Variants in TLK2 observed in about 807,000 individuals in gnomAD.
TLK2 encodes tousled like kinase 2, also known as serine/threonine-protein kinase tousled-like 2.
Under a neutral mutation model 117.3 loss-of-function variants are expected in TLK2, and 6 were observed. The observed-to-expected ratio is 0.05, with a 90% confidence interval of 0.03 to 0.10. The LOEUF is 0.10. Ranked by LOEUF, TLK2 falls within the 10% of genes least tolerant of loss-of-function variation. The pLI is 1.00. For missense variants in TLK2, 299 were observed against 901.2 expected, an observed-to-expected ratio of 0.33 and a Z score of 8.56; for synonymous variants, 257 against 316.7, an observed-to-expected ratio of 0.81 and a Z score of 2.00.
At chr17:62,552,186 A>G (rs575563317) in intron 7 of TLK2, 116 bp from the exon 8 acceptor site, 1 of 846,982 alleles carries the variant, frequency 1.2e-6, no homozygotes, top group Admixed American at 2.7e-5. Context: ...TCTCACTTTC[A>G]TAAGAAGGGG....
intron 4 of TLK2, 85 bp from the exon 5 acceptor site, chr17:62,523,049 A>G (rs1032202100): frequency 7.6e-7 from 1 of 1,322,222 alleles, no homozygotes; most frequent in African/African-American, 1.5e-5. Context: ...CAATGTATGT[A>G]GTTACTGAAT....
At chr17:62,594,148 C>G (rs2082282938) in intron 16 of TLK2, among the ~76,000 whole-genome samples, 1 of 152,000 alleles carries the variant, frequency 6.6e-6, no homozygotes, top group Admixed American at 6.6e-5. Flanking sequence ...TGGCTCATGC[C>G]TGTAATCCCA....
intron 13 of TLK2, among the ~76,000 whole-genome samples, chr17:62,578,003 T>G (rs2080937206): frequency 6.6e-6 from 1 of 152,194 alleles, no homozygotes; most frequent in African/African-American, 2.4e-5. Flanking sequence ...ACCGAGATCG[T>G]GCCATTGCAC....
intron 15 of TLK2, among the ~76,000 whole-genome samples, chr17:62,582,880 T>A (rs552804910): frequency 2.8e-4 from 43 of 152,372 alleles, no homozygotes; most frequent in Admixed American, 2.5e-3. Flanking sequence ...GGACTCATAC[T>A]ACGTCTTTTT....
At chr17:62,471,354 AGAAT>A (rs2070936231) in intron 1 of TLK2, among the ~76,000 whole-genome samples, 1 of 152,220 alleles carries the variant, frequency 6.6e-6, no homozygotes, top group African/African-American at 2.4e-5. Context: ...ACAGTCTGAA[AGAAT>A]GAATGAGTGA....
intron 2 of TLK2, among the ~76,000 whole-genome samples, chr17:62,489,317 C>G (rs1598156788): frequency 2.6e-5 from 4 of 151,880 alleles, no homozygotes; most frequent in Admixed American, 2.6e-4. Flanking sequence ...TCTTCTGCCT[C>G]AACCTCCTGA....
intron 7 of TLK2, among the ~76,000 whole-genome samples, chr17:62,548,762 A>G (rs2078154474): frequency 6.6e-6 from 1 of 151,588 alleles, no homozygotes; most frequent in African/African-American, 2.4e-5. Flanking sequence ...TTTGAGACAG[A>G]GTCTTGATGT....
intron 1 of TLK2, chr17:62,471,226 A>G (rs2070934453): frequency 1.3e-5 from 2 of 152,210 alleles, no homozygotes; most frequent in Non-Finnish European, 2.9e-5. Flanking sequence ...CTTCCAGAAG[A>G]GCACGGCATG....
upstream of TLK2, among the ~76,000 whole-genome samples, chr17:62,475,826 A>G (rs1157365405): frequency 6.9e-6 from 1 of 145,674 alleles, no homozygotes; most frequent in South Asian, 2.2e-4. Context: ...CGCCTGGCTA[A>G]TTTTTTTGTA....
chr17:62,472,787 C>A (rs544402819), intron 1 of TLK2, among the ~76,000 whole-genome samples: 1 of 151,084 alleles, frequency 6.6e-6, no homozygotes, highest in Non-Finnish European at 1.5e-5. Context: ...GACAGGTGGA[C>A]CTGGGAGCTG....
intron 1 of TLK2, among the ~76,000 whole-genome samples, chr17:62,479,573 C>CG (rs2071364435): frequency 6.6e-6 from 1 of 152,072 alleles, no homozygotes; most frequent in African/African-American, 2.4e-5. Flanking sequence ...GGCAGCCTCC[C>CG]GGGCGCCCCC....
At position 62,523,142 on chromosome 17, in the gene TLK2, A is replaced by G; in HGVS notation, c.232A>G (p.Thr78Ala). The change falls in exon 5 of 22, where the codon ACT becomes GCT. Residue 78 changes from threonine (T) to alanine (A), a missense_variant. This residue lies in a region of TLK2 where 105 missense variants were observed against 218.4 expected (regional missense o/e 0.48). Transcript: ENST00000346027. ...EPYETSQGKG[T>A]PRGHKISDYF... ...TTTGGTTTCATTTTCAGGGAAAGGCACTCCTAGGGGACATAAAATTAGTGA... is the reference window on the plus strand; with the variant it reads ...TTTGGTTTCATTTTCAGGGAAAGGCGCTCCTAGGGGACATAAAATTAGTGA... The G allele has an allele frequency of 6.3e-7, 1 of 1,592,020 alleles. No individual in the cohort carries two copies.
intron 2 of TLK2, among the ~76,000 whole-genome samples, chr17:62,516,126 T>C (rs906845103): frequency 1.3e-5 from 2 of 152,108 alleles, no homozygotes; most frequent in Admixed American, 6.6e-5. Context: ...AATTTCATCA[T>C]GTTGGCCAGG....
chr17:62,518,092 T>TA (rs2075759274), intron 2 of TLK2, among the ~76,000 whole-genome samples: 1 of 152,320 alleles, frequency 6.6e-6, no homozygotes, highest in African/African-American at 2.4e-5. Flanking sequence ...CATTTATGCT[T>TA]AGTGTTTCAT....
intron 2 of TLK2, chr17:62,516,281 GGC>G: frequency 3.2e-6 from 2 of 622,124 alleles, no homozygotes; most frequent in South Asian, 2.4e-5. Context: ...TTTTTTTTTT[GGC>G]TGTAAATTTA....
intron 2 of TLK2, among the ~76,000 whole-genome samples, chr17:62,498,805 G>A (rs2073940389): frequency 6.6e-6 from 1 of 152,146 alleles, no homozygotes; most frequent in Admixed American, 6.5e-5. Context: ...TGTATGTCTT[G>A]CTTGATACTG....
chr17:62,597,996 TGCAG>T (rs1044742412), intron 17 of TLK2, among the ~76,000 whole-genome samples: 4 of 152,216 alleles, frequency 2.6e-5, no homozygotes, highest in African/African-American at 9.7e-5. Context: ...GATATGGCTG[TGCAG>T]ACAGCTGCCT....
rs146850947 is a variant in TLK2, at chr17:62,521,002, G to A, written c.153+158G>A. On this transcript the variant is annotated intron_variant, in intron 3 of 21. Coordinates refer to ENST00000346027, the MANE Select transcript of TLK2 (RefSeq NM_006852.6). The stretch of plus-strand genomic sequence containing the variant: ...AGCCTGGGCAACATAGTGAGAACTC[G>A]TTTCTACAAAAAAACTTAGCAGGGT... Among the ~76,000 whole-genome samples, 746 of 152,136 alleles carry A rather than the reference G, an allele frequency of 4.9e-3. 2 individuals carry two copies. Among genetic ancestry groups the A allele is most frequent in the African/African-American group, 0.017 (718 of 41,492 alleles).
intron 2 of TLK2, chr17:62,516,669 C>T (rs1019446047): frequency 1.6e-4 from 263 of 1,609,546 alleles, no homozygotes; most frequent in Non-Finnish European, 2.0e-4. Context: ...CTGCCAGCTC[C>T]GGGTGCTTAG....
Sources: gnomAD v4.1 joint callset for allele counts (sites outside exome capture counted in the v4.1 genomes callset) on GRCh38, gnomAD v4.1.1 for gene constraint, gnomAD v4.1.1 regional missense constraint, MANE v1.5 for transcripts, NCBI Gene and HGNC (gene_info 2026-07-23, HGNC 2026-07-21) for gene names.